Variants in SMG6 observed in about 807,000 individuals in gnomAD.
The protein encoded by SMG6 is telomerase-binding protein EST1A.
Under a neutral mutation model 142.2 loss-of-function variants are expected in SMG6, and 66 were observed. The observed-to-expected ratio is 0.46, with a 90% CI of 0.38 to 0.57. The LOEUF is 0.57. SMG6 is among the 20% of genes least tolerant of loss of function. SMG6 has a pLI of 0.00. For missense variants in SMG6, 1,793 were observed against 1,832.0 expected, an observed-to-expected ratio of 0.98 and a Z score of 0.39; for synonymous variants, 779 against 702.4, an observed-to-expected ratio of 1.11 and a Z score of -1.72.
intron 10 of SMG6, among the ~76,000 whole-genome samples, chr17:2,235,159 G>A (rs190129843): frequency 6.6e-6 from 1 of 152,326 alleles, no homozygotes; most frequent in East Asian, 1.9e-4. Context: ...GGAAACCAGT[G>A]CTGCCACTTA....
intron 13 of SMG6, among the ~76,000 whole-genome samples, chr17:2,107,842 G>A (rs2069196806): frequency 6.6e-6 from 1 of 152,186 alleles, no homozygotes; most frequent in Admixed American, 6.5e-5. Context: ...GTGCCGAAAG[G>A]AGGCCAGCAT....
At chr17:2,064,460 G>T (rs1223874809) in intron 18 of SMG6, among the ~76,000 whole-genome samples, 1 of 152,116 alleles carries the variant, frequency 6.6e-6, no homozygotes, top group East Asian at 1.9e-4. Flanking sequence ...TTGAAAACCG[G>T]GCTGAGGGCT....
intron 13 of SMG6, among the ~76,000 whole-genome samples, chr17:2,138,331 C>G (rs564902182): frequency 1.5e-4 from 23 of 152,252 alleles, no homozygotes; most frequent in African/African-American, 5.5e-4. Context: ...CCCCCATCTA[C>G]AGGAAGTTTA....
intron 12 of SMG6, among the ~76,000 whole-genome samples, chr17:2,179,790 C>T (rs1439322331): frequency 6.6e-6 from 1 of 152,148 alleles, no homozygotes; most frequent in Non-Finnish European, 1.5e-5. Context: ...TCTGGCTTGG[C>T]ACTGGTTCTA....
intron 12 of SMG6, 127 bp downstream of exon 12, chr17:2,186,536 A>T (rs1479312755): frequency 2.7e-6 from 3 of 1,130,064 alleles, no homozygotes; most frequent in Non-Finnish European, 3.7e-6. Flanking sequence ...AAAAGTTCAA[A>T]TAAAGAAGAA....
chr17:2,224,728 C>T (rs1345112008), intron 10 of SMG6, among the ~76,000 whole-genome samples: 1 of 151,980 alleles, frequency 6.6e-6, no homozygotes, highest in Non-Finnish European at 1.5e-5. Context: ...ACCAACCAAC[C>T]AACCAACCAA....
chr17:2,295,063 GA>G (rs1322048757), intron 4 of SMG6, among the ~76,000 whole-genome samples: 1 of 152,106 alleles, frequency 6.6e-6, no homozygotes, highest in Non-Finnish European at 1.5e-5. Context: ...TTTTAGTAGA[GA>G]GGGGGTTTCG....
intron 9 of SMG6, among the ~76,000 whole-genome samples, chr17:2,238,891 G>A (rs918269481): frequency 6.7e-6 from 1 of 149,574 alleles, no homozygotes; most frequent in African/African-American, 2.6e-5. Flanking sequence ...AAAACTGAAA[G>A]CAGAAGGATA....
At chr17:2,205,176 C>T (rs2072641178) in intron 10 of SMG6, among the ~76,000 whole-genome samples, 1 of 152,078 alleles carries the variant, frequency 6.6e-6, no homozygotes, top group Non-Finnish European at 1.5e-5. Context: ...TCAAGCGATT[C>T]TCCTGCATCA....
At chr17:2,092,799 G>A (rs2068759760) in intron 13 of SMG6, among the ~76,000 whole-genome samples, 1 of 152,260 alleles carries the variant, frequency 6.6e-6, no homozygotes, top group South Asian at 2.1e-4. Context: ...TAGTTACACA[G>A]ACGTGAGTTC....
At chr17:2,075,267 C>A (rs1265340624) in intron 15 of SMG6, among the ~76,000 whole-genome samples, 3 of 137,994 alleles carry the variant, frequency 2.2e-5, no homozygotes, top group Non-Finnish European at 4.5e-5. Context: ...TAGAGTGGAA[C>A]TCCTGGGGCC....
At chr17:2,150,005 A>G (rs967555854) in intron 13 of SMG6, among the ~76,000 whole-genome samples, 1 of 152,122 alleles carries the variant, frequency 6.6e-6, no homozygotes, top group Non-Finnish European at 1.5e-5. Flanking sequence ...TCTTCCCCCA[A>G]CTGCATCCAG....
chr17:2,127,104 A>C (rs1271616579), intron 13 of SMG6, among the ~76,000 whole-genome samples: 1 of 145,528 alleles, frequency 6.9e-6, no homozygotes, highest in Non-Finnish European at 1.5e-5. Flanking sequence ...GTGACACTGC[A>C]CTCCAGCCTG....
intron 2 of SMG6, among the ~76,000 whole-genome samples, chr17:2,298,617 C>T (rs1397078726): frequency 6.6e-6 from 1 of 150,980 alleles, no homozygotes; most frequent in Admixed American, 6.6e-5. Flanking sequence ...ACTTGGGAGG[C>T]TGAGGCAGGA....
intron 18 of SMG6, among the ~76,000 whole-genome samples, chr17:2,064,817 G>A (rs1009550992): frequency 5.9e-5 from 9 of 152,252 alleles, no homozygotes; most frequent in African/African-American, 2.2e-4. Context: ...TGCATGCGGG[G>A]TGAAGAACCT....
chr17:2,257,547 A>G (rs2074212191), intron 8 of SMG6, among the ~76,000 whole-genome samples: 1 of 152,200 alleles, frequency 6.6e-6, no homozygotes, highest in Non-Finnish European at 1.5e-5. Flanking sequence ...GTGAGTGGGC[A>G]AAAAGAGACT....
chr17:2,065,551 C>T lies in SMG6; in HGVS notation c.3964G>A (p.Asp1322Asn), dbSNP rs1257632031. 1 of 1,613,926 alleles carries T rather than the reference C, an allele frequency of 6.2e-7. No individual in the cohort carries two copies. Among genetic ancestry groups the T allele is most frequent in the Admixed American group, 1.7e-5 (1 of 60,012 alleles). The change falls in exon 17 of 19, where the codon GAC (aspartate) becomes AAC (asparagine). Residue 1322 changes from aspartate to asparagine, a missense_variant. Coordinates refer to ENST00000263073, the MANE Select transcript of SMG6 (RefSeq NM_017575.5). ...EFLEQRFESR[D>N]SCLRALTSRG... ...CTGGTCAGGGCTCGCAGGCAAGAGTCCCGACTCTCGAATCGCTGCTCGAGG... is the reference window on the plus strand; with the variant it reads ...CTGGTCAGGGCTCGCAGGCAAGAGTTCCGACTCTCGAATCGCTGCTCGAGG...
chr17:2,112,755 CTTTT>C (rs1189843396), intron 13 of SMG6, among the ~76,000 whole-genome samples: 1 of 130,218 alleles, frequency 7.7e-6, no homozygotes, highest in Non-Finnish European at 1.7e-5. Flanking sequence ...GAGCTCCAAA[CTTTT>C]TTTTTTTTTT....
chr17:2,295,742 C>T (rs934719882), intron 4 of SMG6, among the ~76,000 whole-genome samples: 2 of 152,114 alleles, frequency 1.3e-5, no homozygotes, highest in African/African-American at 2.4e-5. Flanking sequence ...TTTCTCCTGA[C>T]CTCCAGAGAG....
Sources: gnomAD v4.1 joint callset for allele counts (sites outside exome capture counted in the v4.1 genomes callset) on GRCh38, gnomAD v4.1.1 for gene constraint, MANE v1.5 for transcripts, NCBI Gene and HGNC (gene_info 2026-07-23, HGNC 2026-07-21) for gene names.